The following CINP variants were observed in gnomAD, a reference collection of about 807,000 sequenced individuals.
CINP encodes cyclin dependent kinase 2 interacting protein, also known as cyclin-dependent kinase 2-interacting protein.
Under a neutral mutation model 20.5 loss-of-function variants are expected in CINP, and 11 were observed. The observed-to-expected ratio is 0.54, with a 90% CI of 0.34 to 0.89. The LOEUF (loss-of-function observed/expected upper bound fraction) is 0.89. Ranked by LOEUF, CINP falls within the 40% of genes least tolerant of loss-of-function variation. The probability of loss-of-function intolerance (pLI) is 0.02; values close to 1 mark genes in which losing one functional copy is unlikely to be tolerated. For missense variants in CINP, 213 were observed against 251.0 expected (o/e 0.85, Z 1.02); for synonymous variants, 108 against 102.1 (o/e 1.06, Z -0.35).
chr14:102,359,408 T>C lies in CINP; in HGVS notation c.176+11A>G. On this transcript the variant is annotated intron_variant, in intron 2 of 4. Coordinates refer to ENST00000216756, the MANE Select transcript of CINP (RefSeq NM_032630.3). ...AAAAACTTAGAGCATGAAAAACCAA[T>C]ATGTACTTACAATAAACTGATTTTC... 4.4e-6 allele frequency: 7 copies of C among 1,574,382 alleles called. No homozygotes were observed. Among genetic ancestry groups the C allele is most frequent in the South Asian group, 1.2e-5 (1 of 84,838 alleles).
At chr14:102,352,452 C>T in intron 3 of CINP, 1 of 454,406 alleles carries the variant, frequency 2.2e-6, no homozygotes, top group Non-Finnish European at 4.4e-6. Context: ...CCACAGCAAA[C>T]ACAGACCACA....
intron 4 of CINP, among the ~76,000 whole-genome samples, chr14:102,349,564 A>C (rs1036804678): frequency 1.3e-5 from 2 of 152,184 alleles, no homozygotes; most frequent in African/African-American, 4.8e-5. Context: ...TAATTAAAAC[A>C]AAAAACAAAA....
At chr14:102,359,379 G>A (rs775818828) in intron 2 of CINP, 40 bp downstream of exon 2, 29 of 1,440,916 alleles carry the variant, frequency 2.0e-5, no homozygotes, top group Admixed American at 4.3e-5. Flanking sequence ...AGTTATTAAG[G>A]GTGAAAAACT....
At chr14:102,357,509 T>G (rs925063895) in intron 2 of CINP, among the ~76,000 whole-genome samples, 5 of 151,550 alleles carry the variant, frequency 3.3e-5, no homozygotes, top group African/African-American at 1.2e-4. Context: ...CCAGTGAACA[T>G]GTGAATGATG....
Position 102,348,599 on chromosome 14 carries a change from A to G in CINP, c.597T>C (p.His199=). 6.2e-7 allele frequency: 1 copy of G among 1,613,518 alleles called. No homozygotes were observed. The highest frequency in any genetic ancestry group is 1.1e-5 in the South Asian group (1 of 90,918). Residue 199 remains histidine, a synonymous_variant, in exon 5 of 5, where the codon CAT becomes CAC. Transcript: ENST00000216756. ...CTGTCTCCAGCAGCATGCTCTCCAG[A>G]TGCAGCCTGCTGTCGCTCTCCACAT... ...QPYVESDSRL[H]LESMLLETGH...
At chr14:102,357,592 T>A (rs1194235747) in intron 2 of CINP, among the ~76,000 whole-genome samples, 1 of 152,138 alleles carries the variant, frequency 6.6e-6, no homozygotes, top group Non-Finnish European at 1.5e-5. Context: ...AGACACAGCA[T>A]TCCCTTAAGT....
rs907809797 is a variant in CINP at position 102,348,498 on chromosome 14, G to A, written c.*59C>T. On this transcript the variant is annotated 3_prime_UTR_variant, in exon 5 of 5. Coordinates refer to ENST00000216756, the MANE Select transcript of CINP (RefSeq NM_032630.3). Reference sequence around the variant, plus strand: ...CCAGGCCTGCGGCACTGGGTCCTAGGCAGACTGTCTGCCTGGTGAGACGTG... The same window carrying A: ...CCAGGCCTGCGGCACTGGGTCCTAGACAGACTGTCTGCCTGGTGAGACGTG... The A allele has an allele frequency of 2.8e-5, 41 of 1,487,456 alleles. 1 individual carries two copies. The highest frequency in any genetic ancestry group is 2.5e-5 in the Non-Finnish European group (27 of 1,094,124). The allele number at this position is 1,487,456 out of a possible 1,614,324, so 92.1% of individuals were successfully genotyped here.
chr14:102,355,748 C>A lies in CINP; in HGVS notation c.306+20G>T. 6.2e-7 allele frequency: 1 copy of A among 1,612,818 alleles called. No homozygotes were observed. Among genetic ancestry groups the A allele is most frequent in the East Asian group, 2.2e-5 (1 of 44,874 alleles). On this transcript the variant is annotated intron_variant, in intron 3 of 4. Transcript: ENST00000216756. ...ATTCAGTGACAGTGACCACAAGTGGCCTGCGTCTTTATGTCTTACCAACCC... is the reference window on the plus strand; with the variant it reads ...ATTCAGTGACAGTGACCACAAGTGGACTGCGTCTTTATGTCTTACCAACCC...
rs1245790218 is a variant in CINP, at chr14:102,348,664, G to A, written c.532C>T (p.Leu178Phe). The A allele has an allele frequency of 1.9e-6, 3 of 1,614,074 alleles. No individual in the cohort carries two copies. The highest frequency in any genetic ancestry group is 2.2e-5 in the East Asian group (1 of 44,886). ...KELAHTGDPDLTLSYLSMWLH... is the reference protein window; with the variant it reads ...KELAHTGDPDFTLSYLSMWLH... Reference sequence around the variant, plus strand: ...CACATGGACAGGTAGCTCAGGGTGAGGTCGGGATCCCCGGTGTGGGCAAGC... The same window carrying A: ...CACATGGACAGGTAGCTCAGGGTGAAGTCGGGATCCCCGGTGTGGGCAAGC... Residue 178 changes from leucine (L) to phenylalanine (F), a missense_variant, in exon 5 of 5, where the codon CTC becomes TTC. Physicochemically the swap from Leu to Phe is conservative, Grantham distance 22. Coordinates refer to ENST00000216756, the MANE Select transcript of CINP (RefSeq NM_032630.3).
At position 102,348,357 on chromosome 14, in the gene CINP, G is replaced by T; in HGVS notation, c.*200C>A. ...ATTCCCAGGAGGGGCAGAGAAGGCT[G>T]AGCAGCACCACGTGGGGCTGGCCGC... On this transcript the variant is annotated 3_prime_UTR_variant, in exon 5 of 5. Transcript: ENST00000216756. The T allele has an allele frequency of 1.7e-6, 1 of 582,600 alleles. No individual in the cohort carries two copies. Among genetic ancestry groups the T allele is most frequent in the Non-Finnish European group, 3.1e-6 (1 of 326,914 alleles). The allele number at this position is 582,600 out of a possible 1,614,324, so 36.1% of individuals were successfully genotyped here. A position where few individuals can be genotyped will look rare whatever the true frequency, so the allele number is the denominator to read the frequency against.
chr14:102,354,251 C>T (rs1716639974), intron 3 of CINP, among the ~76,000 whole-genome samples: 1 of 152,228 alleles, frequency 6.6e-6, no homozygotes, highest in Middle Eastern at 3.4e-3. Context: ...GTTATTAGTT[C>T]ATTAAACAAA....
intron 2 of CINP, among the ~76,000 whole-genome samples, chr14:102,358,784 T>C (rs886425314): frequency 2.6e-5 from 4 of 152,226 alleles, no homozygotes; most frequent in Admixed American, 2.0e-4. Context: ...AAAGAATTCA[T>C]GGTAGTTTTT....
chr14:102,358,855 A>T (rs1427370550), intron 2 of CINP, among the ~76,000 whole-genome samples: 1 of 152,168 alleles, frequency 6.6e-6, no homozygotes, highest in Non-Finnish European at 1.5e-5. Context: ...CACAGGTCAT[A>T]CATGAGCATG....
chr14:102,351,076 G>A lies in CINP; in HGVS notation c.307-1028C>T, dbSNP rs1300730852. Among the ~76,000 whole-genome samples, 4 of 151,712 alleles carry A rather than the reference G, an allele frequency of 2.6e-5. No individual in the cohort carries two copies. Among genetic ancestry groups the A allele is most frequent in the Admixed American group, 1.3e-4 (2 of 15,214 alleles). ...CCTGAACTCGTGATCCGCCCACCTC[G>A]GCCGCCCAAAGTGCTGGGATTCTAG... On this transcript the variant is annotated intron_variant, in intron 3 of 4. Transcript: ENST00000216756. The surrounding 1 kb of genome is among the most constrained non-coding windows in gnomAD (Gnocchi z 4.2).
Position 102,352,000 on chromosome 14 carries a change from T to A in CINP, c.307-1952A>T, listed in dbSNP as rs1025997295. On this transcript the variant is annotated intron_variant, in intron 3 of 4. Coordinates refer to ENST00000216756, the MANE Select transcript of CINP (RefSeq NM_032630.3). The surrounding 1 kb of genome is among the most constrained non-coding windows in gnomAD (Gnocchi z 4.2). The stretch of plus-strand genomic sequence containing the variant: ...CCCGGGTTCATGCCATTCTCCTGCC[T>A]CAGCCTCCCAAGTAGCTGGGACTAC... Among the ~76,000 whole-genome samples, 3 of 152,294 alleles carry A rather than the reference T, an allele frequency of 2.0e-5. No homozygotes were observed. The highest frequency in any genetic ancestry group is 6.5e-5 in the Admixed American group (1 of 15,298).
At chr14:102,352,334 C>A in intron 3 of CINP, 5 of 318,506 alleles carry the variant, frequency 1.6e-5, no homozygotes, top group South Asian at 1.2e-4. Context: ...ATGCTCAATC[C>A]TGCAGCTCAG....
Position 102,359,227 on chromosome 14 carries a change from A to AATATATATATATATATATATAT in CINP, c.176+170_176+191dup, listed in dbSNP as rs10632205. Among the ~76,000 whole-genome samples the AATATATATATATATATATATAT allele has an allele frequency of 4.5e-3, 516 of 115,172 alleles. 7 individuals carry two copies. Among genetic ancestry groups the AATATATATATATATATATATAT allele is most frequent in the Non-Finnish European group, 7.0e-3 (379 of 53,836 alleles). 75.6% of individuals were successfully genotyped at this position (115,172 alleles called of 152,430 possible). A position where few individuals can be genotyped will look rare whatever the true frequency, so the allele number is the denominator to read the frequency against. Reference sequence around the variant, plus strand: ...AAAAAAATAAATAAATAAATAACTAAATATATATATATATATATATATATA... The same window carrying AATATATATATATATATATATAT: ...AAAAAAATAAATAAATAAATAACTAAATATATATATATATATATATATATATATATATATATATATATATATA... On this transcript the variant is annotated intron_variant, in intron 2 of 4. Transcript: ENST00000216756.
intron 2 of CINP, among the ~76,000 whole-genome samples, chr14:102,358,983 T>A (rs1887063104): frequency 6.6e-6 from 1 of 151,904 alleles, no homozygotes; most frequent in Non-Finnish European, 1.5e-5. Context: ...GGCAGGTGGA[T>A]CACGTAAGGT....
intron 3 of CINP, 51 bp downstream of exon 3, chr14:102,355,717 C>T (rs1161978321): frequency 1.9e-6 from 3 of 1,602,868 alleles, no homozygotes; most frequent in Non-Finnish European, 2.6e-6. Flanking sequence ...CAAATACGTC[C>T]ATCGGATTCA....
Sources: gnomAD v4.1 joint callset for allele counts (sites outside exome capture counted in the v4.1 genomes callset) on GRCh38, gnomAD v4.1.1 for gene constraint, Gnocchi (gnomAD v3.1) non-coding constraint, MANE v1.5 for transcripts, NCBI Gene and HGNC (gene_info 2026-07-23, HGNC 2026-07-21) for gene names.